Variants in ZNF560 observed in about 807,000 individuals in gnomAD.
ZNF560 encodes zinc finger protein 560.
In ZNF560, 54 loss-of-function variants were observed where a neutral mutation model predicts 81.8. The observed-to-expected ratio is 0.66, with a 90% confidence interval of 0.53 to 0.83. The LOEUF (loss-of-function observed/expected upper bound fraction) is 0.83. Ranked by LOEUF, ZNF560 falls within the 40% of genes least tolerant of loss-of-function variation. The pLI is 0.00. For missense variants in ZNF560, 940 were observed against 932.4 expected, an observed-to-expected ratio of 1.01 and a Z score of -0.11; for synonymous variants, 321 against 317.9, an observed-to-expected ratio of 1.01 and a Z score of -0.10.
At chr19:9,462,486 C>T (rs1396440588), downstream of ZNF560, among the ~76,000 whole-genome samples, 1 of 152,224 alleles carries the variant, frequency 6.6e-6, no homozygotes, top group Non-Finnish European at 1.5e-5. Flanking sequence ...TCGAGGCTCT[C>T]AGCTCTGAAG....
chr19:9,451,557 G>A, the ZNF560 span, among the ~76,000 whole-genome samples: 13 of 152,136 alleles, frequency 8.5e-5, no homozygotes, highest in African/African-American at 3.1e-4. Flanking sequence ...ATCAGCCTTA[G>A]CAAAGAATCT....
In ZNF560 at chr19:9,467,674, A is replaced by T; in HGVS notation, c.1273T>A (p.Cys425Ser). ...TTAAAGGTTTTCTCTCTGGCGTGAC[A>T]TCTTATATGTTCAATAAGGCCTGCA... ...TSAGLIEHIR[C>S]HAREKTFKCD... Residue 425 changes from cysteine (C) to serine (S), a missense_variant, in exon 10 of 10, where the codon TGT (cysteine) becomes AGT (serine). By Grantham distance (112) the Cys-to-Ser change is moderately radical. Transcript: ENST00000301480. The T allele has an allele frequency of 1.2e-6, 2 of 1,613,790 alleles. No homozygotes were observed. Among genetic ancestry groups the T allele is most frequent in the Non-Finnish European group, 1.7e-6 (2 of 1,179,962 alleles).
chr19:9,471,524 C>CA (rs2073122821), intron 5 of ZNF560, 146 bp from the exon 6 acceptor site: 1 of 549,326 alleles, frequency 1.8e-6, no homozygotes, highest in East Asian at 3.5e-5. Flanking sequence ...TAGACTGTGT[C>CA]AAAAAATTGG....
chr19:9,447,236 T>A, the ZNF560 span, among the ~76,000 whole-genome samples: 9 of 151,606 alleles, frequency 5.9e-5, no homozygotes, highest in Non-Finnish European at 1.3e-4. Context: ...CTACCAACAA[T>A]CTGACACAGA....
At chr19:9,492,687 ACCTCTG>A (rs1382714652) in intron 2 of ZNF560, among the ~76,000 whole-genome samples, 1 of 152,188 alleles carries the variant, frequency 6.6e-6, no homozygotes, top group African/African-American at 2.4e-5. Flanking sequence ...CTGGGAGACA[ACCTCTG>A]AAAGAATGGG....
At chr19:9,448,110 C>G in the ZNF560 span, among the ~76,000 whole-genome samples, 1 of 152,174 alleles carries the variant, frequency 6.6e-6, no homozygotes, top group African/African-American at 2.4e-5. Context: ...CCTGACCAAA[C>G]TAAGCTTCAT....
intron 7 of ZNF560, 130 bp from the exon 8 acceptor site, chr19:9,469,840 T>C: frequency 7.1e-6 from 5 of 707,170 alleles, no homozygotes; most frequent in East Asian, 2.7e-5. Flanking sequence ...CCCATCTTTC[T>C]GTTCTCTGAA....
chr19:9,499,575 C>T (rs1194750664), upstream of ZNF560, among the ~76,000 whole-genome samples: 1 of 152,180 alleles, frequency 6.6e-6, no homozygotes, highest in African/African-American at 2.4e-5. Flanking sequence ...TCAAAGCCTC[C>T]TGTACTACTT....
upstream of ZNF560, among the ~76,000 whole-genome samples, chr19:9,499,022 T>C (rs141281532): frequency 6.1e-3 from 928 of 152,372 alleles, 4 homozygotes; most frequent in Middle Eastern, 0.02. Context: ...GCCTGCTTCC[T>C]GCATTCGATC....
chr19:9,475,815 C>G (rs2073192864), intron 2 of ZNF560, among the ~76,000 whole-genome samples: 1 of 151,936 alleles, frequency 6.6e-6, no homozygotes, highest in African/African-American at 2.4e-5. Flanking sequence ...ACCGTGTTAC[C>G]CAGGATGTTC....
intron 2 of ZNF560, among the ~76,000 whole-genome samples, chr19:9,478,386 C>T (rs1278736464): frequency 2.6e-5 from 4 of 152,010 alleles, no homozygotes; most frequent in Non-Finnish European, 5.9e-5. Flanking sequence ...CGACACCAGA[C>T]CTAATAAGAA....
At chr19:9,494,230 G>A (rs753228892) in intron 2 of ZNF560, among the ~76,000 whole-genome samples, 17 of 151,950 alleles carry the variant, frequency 1.1e-4, no homozygotes, top group Non-Finnish European at 2.1e-4. Flanking sequence ...CTTGTTAAGT[G>A]GAAATGCAGA....
At chr19:9,473,614 A>C (rs919571384) in intron 4 of ZNF560, among the ~76,000 whole-genome samples, 5 of 152,116 alleles carry the variant, frequency 3.3e-5, no homozygotes, top group African/African-American at 1.2e-4. Context: ...CTCATGCAAG[A>C]GATGATAAAC....
chr19:9,475,389 T>G lies in ZNF560; in HGVS notation c.-56-20A>C, dbSNP rs1439629229. ...AAAGACCTGGAAAAGAAAGAAGGCA[T>G]AAGAGCCCAGACATAATCACAGTTC... On this transcript the variant is annotated intron_variant, in intron 2 of 9. Transcript: ENST00000301480. 2 of 1,445,720 alleles carry G rather than the reference T, an allele frequency of 1.4e-6. No individual in the cohort carries two copies. Among genetic ancestry groups the G allele is most frequent in the Admixed American group, 3.6e-5 (2 of 55,998 alleles). The allele number at this position is 1,445,720 out of a possible 1,614,324, so 89.6% of individuals were successfully genotyped here.
the ZNF560 span, among the ~76,000 whole-genome samples, chr19:9,455,510 G>C: frequency 6.6e-6 from 1 of 152,340 alleles, no homozygotes; most frequent in East Asian, 1.9e-4. Flanking sequence ...TGATGTTATA[G>C]ATCAGCTTAG....
intron 2 of ZNF560, among the ~76,000 whole-genome samples, chr19:9,482,540 C>T (rs2073306480): frequency 6.6e-6 from 1 of 151,986 alleles, no homozygotes; most frequent in Non-Finnish European, 1.5e-5. Flanking sequence ...TCAGGAGGAT[C>T]ACTTGAGACC....
At chr19:9,492,843 T>C (rs180712363) in intron 2 of ZNF560, among the ~76,000 whole-genome samples, 17 of 152,258 alleles carry the variant, frequency 1.1e-4, no homozygotes, top group African/African-American at 3.9e-4. Flanking sequence ...TTGCTTCCAA[T>C]CCCAGCAATG....
rs1183297358 is a variant in ZNF560 at position 9,474,172 on chromosome 19, G to A, written c.157+27C>T. 1.1e-5 allele frequency: 17 copies of A among 1,613,412 alleles called. No individual in the cohort carries two copies. The Admixed American group carries it at 2.7e-4, about 25-fold the overall frequency. Reference sequence around the variant, plus strand: ...CACAATGTATATCTCTTCCCTAAGAGGCTGCATAAAATGATGGCAGTCTTA... The same window carrying A: ...CACAATGTATATCTCTTCCCTAAGAAGCTGCATAAAATGATGGCAGTCTTA... On this transcript the variant is annotated intron_variant, in intron 4 of 9. Transcript: ENST00000301480.
chr19:9,506,501 G>T, the ZNF560 span, among the ~76,000 whole-genome samples: 2 of 148,952 alleles, frequency 1.3e-5, no homozygotes, highest in South Asian at 4.2e-4. Context: ...AAAAAATTCA[G>T]TAAAAAGTAA....
Sources: allele counts gnomAD v4.1 joint callset (sites outside exome capture counted in the v4.1 genomes callset), GRCh38; gene constraint gnomAD v4.1.1; transcripts MANE v1.5; gene names NCBI Gene and HGNC (gene_info 2026-07-23, HGNC 2026-07-21).